TTC3: variants seen among roughly 807,000 people sequenced by gnomAD.
TTC3 encodes E3 ubiquitin-protein ligase TTC3.
TTC3 carries 180 observed loss-of-function variants against 249.6 expected under a neutral mutation model. The ratio of observed to expected loss-of-function variants is 0.72; its 90% CI spans 0.64 to 0.82. The LOEUF is 0.82. Ranked by LOEUF, TTC3 falls within the 40% of genes least tolerant of loss-of-function variation. The pLI is 0.00. For synonymous variants in TTC3, 717 were observed against 805.0 expected (o/e 0.89, Z 1.85); for missense variants, 2,061 against 2,398.4 (o/e 0.86, Z 2.94).
chr21:37,184,669 A>G (rs1194920771), intron 36 of TTC3, among the ~76,000 whole-genome samples: 1 of 133,092 alleles, frequency 7.5e-6, no homozygotes, highest in Non-Finnish European at 1.6e-5. Flanking sequence ...GGGTTTCACC[A>G]TGTTGGCCAG....
chr21:37,079,517 GTTTTTTTTTTTTTTTTT>G (rs60361476), intron 1 of TTC3, among the ~76,000 whole-genome samples: 4 of 91,230 alleles, frequency 4.4e-5, no homozygotes, highest in African/African-American at 9.6e-5. Flanking sequence ...TTATGGTATG[GTTTTTTTTTTTTTTTTT>G]TTTTTTTTTT....
intron 10 of TTC3, among the ~76,000 whole-genome samples, chr21:37,097,309 T>C (rs1037930955): frequency 6.6e-6 from 1 of 152,158 alleles, no homozygotes; most frequent in Non-Finnish European, 1.5e-5. Flanking sequence ...TTATATATAT[T>C]GAGCATTAAT....
intron 20 of TTC3, among the ~76,000 whole-genome samples, chr21:37,142,015 A>C (rs994960817): frequency 6.6e-6 from 1 of 152,182 alleles, no homozygotes; most frequent in Non-Finnish European, 1.5e-5. Flanking sequence ...TGATTATCTC[A>C]ATAGATGCAG....
chr21:37,117,951 A>T (rs888505486), intron 11 of TTC3, among the ~76,000 whole-genome samples: 9 of 150,566 alleles, frequency 6.0e-5, no homozygotes, highest in African/African-American at 1.2e-4. Context: ...TTTTTTTTTT[A>T]AATTGGAATG....
At chr21:37,123,084 A>G (rs1216468664) in intron 13 of TTC3, 56 bp downstream of exon 13, 98 of 1,568,422 alleles carry the variant, frequency 6.2e-5, no homozygotes, top group Non-Finnish European at 8.3e-5. Context: ...TGCTGCATGA[A>G]TTTAAGAATC....
chr21:37,153,057 G>A (rs764027840), exon 27 of TTC3: 8 of 1,613,692 alleles, frequency 5.0e-6, no homozygotes, highest in African/African-American at 2.7e-5. Flanking sequence ...ATACAGCCAT[G>A]CTTCTCAAAG....
chr21:37,200,189 A>G, intron 44 of TTC3, 43 bp from the exon 45 acceptor site: 1 of 1,582,474 alleles, frequency 6.3e-7, no homozygotes, highest in Non-Finnish European at 8.6e-7. Context: ...CATAAAAACA[A>G]CTGTAGTTAT....
chr21:37,121,857 A>C (rs905732573), exon 12 of TTC3: 8 of 1,609,798 alleles, frequency 5.0e-6, no homozygotes, highest in Non-Finnish European at 6.8e-6. Context: ...ATGCTGGGGG[A>C]ATATGACTGG....
chr21:37,160,754 A>C, intron 29 of TTC3, 48 bp from the exon 30 acceptor site: 1 of 1,587,944 alleles, frequency 6.3e-7, no homozygotes, highest in South Asian at 1.1e-5. Context: ...GTTGAGCTTC[A>C]TAATGCTGTT....
chr21:37,195,378 G>C (rs1224677690), intron 41 of TTC3, among the ~76,000 whole-genome samples: 2 of 152,278 alleles, frequency 1.3e-5, no homozygotes, highest in Non-Finnish European at 2.9e-5. Flanking sequence ...AGTGTAACCA[G>C]GTAGAGGCTG....
chr21:37,176,103 T>A (rs1400101912), intron 35 of TTC3, among the ~76,000 whole-genome samples: 2 of 152,214 alleles, frequency 1.3e-5, no homozygotes, highest in Admixed American at 6.5e-5. Flanking sequence ...GTAGCTTTTT[T>A]AAAGCCAGAA....
At chr21:37,186,449 A>T (rs1338894537) in intron 37 of TTC3, among the ~76,000 whole-genome samples, 1 of 152,052 alleles carries the variant, frequency 6.6e-6, no homozygotes, top group East Asian at 1.9e-4. Context: ...ATTTTTATTT[A>T]TTTATTTTTT....
chr21:37,186,669 C>T (rs747432319), intron 37 of TTC3, among the ~76,000 whole-genome samples: 8 of 152,186 alleles, frequency 5.3e-5, no homozygotes, highest in Non-Finnish European at 1.0e-4. Flanking sequence ...CCAAGCGATC[C>T]GCCTGCCTTG....
intron 45 of TTC3, 47 bp from the exon 46 acceptor site, chr21:37,201,393 C>T (rs2085486035): frequency 6.2e-7 from 1 of 1,611,826 alleles, no homozygotes; most frequent in Non-Finnish European, 8.5e-7. Context: ...AGCTAAGCTT[C>T]CTCATGGTCC....
chr21:37,141,358 G>C (rs1055426456), intron 20 of TTC3, among the ~76,000 whole-genome samples: 1 of 151,880 alleles, frequency 6.6e-6, no homozygotes, highest in Non-Finnish European at 1.5e-5. Flanking sequence ...ATTTCTAACT[G>C]TCTTTAAATT....
At chr21:37,142,194 A>G (rs938854086) in intron 20 of TTC3, among the ~76,000 whole-genome samples, 1 of 152,202 alleles carries the variant, frequency 6.6e-6, no homozygotes, top group South Asian at 2.1e-4. Flanking sequence ...CTGGCACAAG[A>G]TAGGGATGCC....
At chr21:37,179,085 G>T (rs925562357) in intron 35 of TTC3, among the ~76,000 whole-genome samples, 1 of 152,112 alleles carries the variant, frequency 6.6e-6, no homozygotes, top group Non-Finnish European at 1.5e-5. Flanking sequence ...CAGCCAGGGC[G>T]ATGTGATGAG....
intron 1 of TTC3, among the ~76,000 whole-genome samples, chr21:37,073,886 T>TGC (rs2070411937): frequency 6.6e-6 from 1 of 152,138 alleles, no homozygotes; most frequent in African/African-American, 2.4e-5. Flanking sequence ...CTTCTGCAAT[T>TGC]GCGACCCCCG....
chr21:37,181,567 G>C (rs1211546114), intron 35 of TTC3, among the ~76,000 whole-genome samples: 2 of 152,184 alleles, frequency 1.3e-5, no homozygotes, highest in Non-Finnish European at 2.9e-5. Context: ...GGGAAGAACT[G>C]GTTCCTATGT....
Sources: allele counts gnomAD v4.1 joint callset (sites outside exome capture counted in the v4.1 genomes callset), GRCh38; gene constraint gnomAD v4.1.1; transcripts MANE v1.5; gene names NCBI Gene and HGNC (gene_info 2026-07-23, HGNC 2026-07-21).